TIMM23B: variants seen among roughly 807,000 people sequenced by gnomAD.
TIMM23B encodes mitochondrial import inner membrane translocase subunit Tim23B.
Under a neutral mutation model 27.3 loss-of-function variants are expected in TIMM23B, and 27 were observed. The ratio of observed to expected loss-of-function variants is 0.99; its 90% CI spans 0.73 to 1.36. TIMM23B has a LOEUF of 1.36. TIMM23B is among the 40% of genes most tolerant of loss of function. The probability of loss-of-function intolerance (pLI) is 0.00; values close to 1 mark genes in which losing one functional copy is unlikely to be tolerated. For synonymous variants in TIMM23B, 73 were observed against 92.4 expected, an observed-to-expected ratio of 0.79 and a Z score of 1.21; for missense variants, 205 against 244.2, an observed-to-expected ratio of 0.84 and a Z score of 1.07.
At chr10:49,953,358 T>C (rs1351919020) in intron 4 of TIMM23B, among the ~76,000 whole-genome samples, 4 of 152,170 alleles carry the variant, frequency 2.6e-5, no homozygotes, top group African/African-American at 4.8e-5. Context: ...TTGTGTGGTT[T>C]TTTGAGAGAC....
chr10:49,959,473 A>G (rs1254566669), intron 6 of TIMM23B, among the ~76,000 whole-genome samples: 1 of 152,224 alleles, frequency 6.6e-6, no homozygotes, highest in East Asian at 1.9e-4. Context: ...GTTTAGAAGC[A>G]TACATCCAAG....
chr10:49,944,697 C>T (rs1839301031), intron 1 of TIMM23B, among the ~76,000 whole-genome samples: 1 of 152,238 alleles, frequency 6.6e-6, no homozygotes, highest in Non-Finnish European at 1.5e-5. Flanking sequence ...TTTATATAGT[C>T]ACCAAGCATT....
intron 6 of TIMM23B, among the ~76,000 whole-genome samples, chr10:49,963,995 A>G (rs1347539292): frequency 6.6e-6 from 1 of 152,132 alleles, no homozygotes; most frequent in Non-Finnish European, 1.5e-5. Flanking sequence ...GATGAAATGA[A>G]ATAATGAAAT....
chr10:49,956,238 G>A (rs1301984065), intron 5 of TIMM23B, among the ~76,000 whole-genome samples: 7 of 151,974 alleles, frequency 4.6e-5, no homozygotes, highest in African/African-American at 1.4e-4. Flanking sequence ...ATTGTTGCAA[G>A]GGGCAAGTGT....
intron 5 of TIMM23B, among the ~76,000 whole-genome samples, chr10:49,955,655 A>G: frequency 6.6e-6 from 1 of 152,244 alleles, no homozygotes; most frequent in South Asian, 2.1e-4. Flanking sequence ...CTTATGGCTT[A>G]TGTCCTGACA....
Position 49,944,582 on chromosome 10 carries a change from C to T in TIMM23B, c.107-450C>T, listed in dbSNP as rs1482013123. On this transcript the variant is annotated intron_variant, in intron 1 of 6. Transcript: ENST00000651259. ...TCGTTAATAGTAATATGTGAAGGAA[C>T]TGCCTTGAAATAGTTAGATACAACA... Among the ~76,000 whole-genome samples, 79 of 152,132 alleles carry T rather than the reference C, an allele frequency of 5.2e-4. 3 individuals carry two copies. In the East Asian group the frequency reaches 0.011, roughly 21 times the overall value.
intron 2 of TIMM23B, among the ~76,000 whole-genome samples, chr10:49,947,624 A>T (rs1219354704): frequency 7.1e-4 from 107 of 151,668 alleles, no homozygotes; most frequent in Middle Eastern, 3.4e-3. Context: ...ATAAATAAAT[A>T]AATAAATAAA....
intron 2 of TIMM23B, among the ~76,000 whole-genome samples, chr10:49,950,318 A>C (rs1839485467): frequency 6.6e-6 from 1 of 150,934 alleles, no homozygotes; most frequent in Non-Finnish European, 1.5e-5. Context: ...CTGGAGTGTC[A>C]ACAGGACAGG....
intron 6 of TIMM23B, among the ~76,000 whole-genome samples, chr10:49,968,871 G>T (rs1486386175): frequency 6.6e-6 from 1 of 152,128 alleles, no homozygotes; most frequent in Non-Finnish European, 1.5e-5. Context: ...GGAAATATTT[G>T]TCACTAGCTG....
intron 6 of TIMM23B, among the ~76,000 whole-genome samples, chr10:49,967,086 A>T (rs1442536966): frequency 1.3e-5 from 2 of 151,964 alleles, no homozygotes; most frequent in Non-Finnish European, 2.9e-5. Context: ...TGCCTGGCTA[A>T]TTTTTTTGTG....
intron 6 of TIMM23B, among the ~76,000 whole-genome samples, chr10:49,971,713 C>T (rs1403342722): frequency 9.9e-5 from 15 of 152,082 alleles, no homozygotes; most frequent in Non-Finnish European, 1.8e-4. Flanking sequence ...AGCTATGTAC[C>T]GGGGACATTT....
chr10:49,970,244 T>G (rs1840365742), intron 6 of TIMM23B: 3 of 147,424 alleles, frequency 2.0e-5, no homozygotes, highest in Admixed American at 6.7e-5. Context: ...CGTCTCTGCC[T>G]GGCCGCCCAT....
intron 5 of TIMM23B, among the ~76,000 whole-genome samples, chr10:49,956,210 T>C (rs1237227989): frequency 6.6e-6 from 1 of 151,996 alleles, no homozygotes; most frequent in African/African-American, 2.4e-5. Context: ...AGAGGAGTTG[T>C]AAGGCTGAGC....
chr10:49,942,410 A>T, intron 1 of TIMM23B, 110 bp downstream of exon 1: 1 of 1,540,966 alleles, frequency 6.5e-7, no homozygotes, highest in Non-Finnish European at 8.8e-7. Flanking sequence ...GCTGGCGTTT[A>T]CAAGCTTAAG....
chr10:49,962,712 T>C (rs1839962037), intron 6 of TIMM23B, among the ~76,000 whole-genome samples: 1 of 152,178 alleles, frequency 6.6e-6, no homozygotes. Flanking sequence ...CACCTTTTCT[T>C]TGAGGCCTTC....
chr10:49,962,222 T>A (rs1185544553), intron 6 of TIMM23B, among the ~76,000 whole-genome samples: 4 of 145,106 alleles, frequency 2.8e-5, no homozygotes, highest in East Asian at 2.1e-4. Context: ...TTTTTTTTTT[T>A]AAACGGAGTT....
chr10:49,972,382 C>G (rs537981659), intron 6 of TIMM23B, among the ~76,000 whole-genome samples: 1 of 151,696 alleles, frequency 6.6e-6, no homozygotes, highest in African/African-American at 2.4e-5. Flanking sequence ...AGCTCTCTAT[C>G]ATCCAAATCC....
In TIMM23B at chr10:49,961,551, C is replaced by G. The variant is rs1180278958; in HGVS notation, c.514+3071C>G. Among the ~76,000 whole-genome samples the G allele has an allele frequency of 2.0e-5, 3 of 151,992 alleles. No homozygotes were observed. The East Asian group carries it at 5.8e-4, about 29-fold the overall frequency. ...TGGGCTCCCTCACCACTGCCCCCAT[C>G]TGTCCCTTACTTATCTCTTCCAGGC... On this transcript the variant is annotated intron_variant, in intron 6 of 6. Transcript: ENST00000651259.
chr10:49,957,651 G>A (rs1423983116), intron 5 of TIMM23B, among the ~76,000 whole-genome samples: 1 of 152,130 alleles, frequency 6.6e-6, no homozygotes, highest in African/African-American at 2.4e-5. Flanking sequence ...TCATTTCACT[G>A]GAGTTGGGGT....
Sources: allele counts gnomAD v4.1 joint callset (sites outside exome capture counted in the v4.1 genomes callset), GRCh38; gene constraint gnomAD v4.1.1; transcripts MANE v1.5; gene names NCBI Gene and HGNC (gene_info 2026-07-23, HGNC 2026-07-21).